The following ATP8A2 variants were observed in gnomAD, a reference collection of about 807,000 sequenced individuals.
ATP8A2 encodes the protein ATPase phospholipid transporting 8A2, also known as phospholipid-transporting ATPase IB.
A neutral mutation model predicts 165.6 loss-of-function variants in ATP8A2; 100 were observed. That is an observed-to-expected ratio of 0.60 (90% CI 0.51 to 0.71). The LOEUF is 0.71. ATP8A2 is among the 30% of genes least tolerant of loss of function. The pLI, the probability that ATP8A2 is intolerant of heterozygous loss-of-function variation, is 0.00. For synonymous variants in ATP8A2, 543 were observed against 548.8 expected, an observed-to-expected ratio of 0.99 and a Z score of 0.15; for missense variants, 1,227 against 1,479.5, an observed-to-expected ratio of 0.83 and a Z score of 2.80.
rs189356691 is a variant in ATP8A2 at position 25,576,126 on chromosome 13, G to C, written c.1713-943G>C. Among the ~76,000 whole-genome samples, 281 of 152,254 alleles carry C rather than the reference G, an allele frequency of 1.8e-3. 1 individual carries two copies. The highest frequency in any genetic ancestry group is 4.1e-3 in the Admixed American group (62 of 15,294). ...GAAACACGGGTTTCAAGAACTGCTA[G>C]GAGTGCCCACCTCTAAGATAGTTGA... is the stretch of plus-strand genomic sequence containing the variant. On this transcript the variant is annotated intron_variant, in intron 19 of 36. Transcript: ENST00000381655.
chr13:25,555,105 C>T (rs748509221), intron 13 of ATP8A2, 37 bp downstream of exon 13: 95 of 1,453,274 alleles, frequency 6.5e-5, no homozygotes, highest in East Asian at 2.7e-4. Flanking sequence ...AATGGTGACA[C>T]GAGCATGAGG....
At chr13:25,951,279 T>C (rs896081834) in intron 33 of ATP8A2, among the ~76,000 whole-genome samples, 6 of 152,248 alleles carry the variant, frequency 3.9e-5, no homozygotes, top group Non-Finnish European at 7.3e-5. Flanking sequence ...TTGTGATCTA[T>C]TCGTGCAATG....
intron 28 of ATP8A2, among the ~76,000 whole-genome samples, chr13:25,831,858 A>G (rs1297288807): frequency 6.6e-6 from 1 of 152,064 alleles, no homozygotes; most frequent in East Asian, 1.9e-4. Flanking sequence ...CAACAATAAC[A>G]ACAAGAAACA....
chr13:25,718,449 T>A (rs1212162240), intron 25 of ATP8A2, among the ~76,000 whole-genome samples: 1 of 152,294 alleles, frequency 6.6e-6, no homozygotes, highest in East Asian at 1.9e-4. Context: ...TACGTGTGTA[T>A]CATTTTGGTT....
intron 1 of ATP8A2, among the ~76,000 whole-genome samples, chr13:25,466,258 G>C (rs2137506508): frequency 6.6e-6 from 1 of 151,858 alleles, no homozygotes; most frequent in South Asian, 2.1e-4. Context: ...GGGTTGATTT[G>C]TTTTTTTTAG....
chr13:25,745,921 A>C (rs1196331255), intron 25 of ATP8A2, among the ~76,000 whole-genome samples: 1 of 152,198 alleles, frequency 6.6e-6, no homozygotes, highest in African/African-American at 2.4e-5. Flanking sequence ...CATCACTCTG[A>C]ATGTGACAGC....
intron 27 of ATP8A2, among the ~76,000 whole-genome samples, chr13:25,824,208 G>A (rs141062125): frequency 3.9e-5 from 6 of 152,258 alleles, no homozygotes; most frequent in African/African-American, 1.4e-4. Flanking sequence ...CTGACCTTAG[G>A]TGATCCACCC....
intron 1 of ATP8A2, among the ~76,000 whole-genome samples, chr13:25,421,030 T>A (rs554913590): frequency 1.3e-5 from 2 of 152,378 alleles, no homozygotes; most frequent in South Asian, 4.1e-4. Context: ...GTTCTAAGAC[T>A]GTGCATGAAA....
At chr13:25,708,077 C>T (rs1337589215) in intron 25 of ATP8A2, among the ~76,000 whole-genome samples, 1 of 152,070 alleles carries the variant, frequency 6.6e-6, no homozygotes, top group Non-Finnish European at 1.5e-5. Flanking sequence ...ATGATTACTT[C>T]ATCAGTGCAT....
intron 19 of ATP8A2, 82 bp downstream of exon 19, chr13:25,574,939 G>T (rs1472591766): frequency 1.3e-6 from 1 of 749,948 alleles, no homozygotes; most frequent in East Asian, 2.7e-5. Context: ...TGATTGTATG[G>T]TATGATTCAA....
chr13:25,522,886 G>A (rs573696421), intron 2 of ATP8A2, among the ~76,000 whole-genome samples: 3 of 152,238 alleles, frequency 2.0e-5, no homozygotes, highest in Admixed American at 1.3e-4. Flanking sequence ...CACTTTGGGA[G>A]GCCAAGTTGG....
At chr13:25,466,687 AG>A (rs2035676905) in intron 1 of ATP8A2, among the ~76,000 whole-genome samples, 2 of 150,004 alleles carry the variant, frequency 1.3e-5, no homozygotes, top group African/African-American at 4.9e-5. Context: ...CTGAGAGGGC[AG>A]GGCCCGGGAA....
Position 25,931,708 on chromosome 13 carries a change from C to T in ATP8A2, c.3184-29867C>T, listed in dbSNP as rs576957604. ...GAAGAATCTTGAAGCCCGTGGCCAA[C>T]GTTGAAAAGAGCCTTCATCAGAGTG... On this transcript the variant is annotated intron_variant, in intron 33 of 36. Coordinates refer to ENST00000381655, the MANE Select transcript of ATP8A2 (RefSeq NM_016529.6). Among the ~76,000 whole-genome samples the T allele has an allele frequency of 7.2e-5, 11 of 152,228 alleles. No individual in the cohort carries two copies. In the East Asian group the frequency reaches 1.7e-3, roughly 24 times the overall value.
intron 33 of ATP8A2, among the ~76,000 whole-genome samples, chr13:25,932,167 G>A (rs1043829770): frequency 5.9e-5 from 9 of 152,112 alleles, no homozygotes; most frequent in African/African-American, 1.4e-4. Flanking sequence ...AATGTAGCAC[G>A]GAAGCACGTC....
chr13:25,551,919 G>A (rs2038834957), intron 11 of ATP8A2, among the ~76,000 whole-genome samples: 1 of 151,890 alleles, frequency 6.6e-6, no homozygotes, highest in South Asian at 2.1e-4. Context: ...CTCCAAAATA[G>A]TGTTATAATA....
At chr13:25,677,871 G>A (rs550402839) in intron 24 of ATP8A2, among the ~76,000 whole-genome samples, 1 of 152,154 alleles carries the variant, frequency 6.6e-6, no homozygotes, top group South Asian at 2.1e-4. Context: ...CAGACTTTAA[G>A]GAATGATGAT....
chr13:25,898,182 G>A (rs1322480701), intron 33 of ATP8A2, among the ~76,000 whole-genome samples: 1 of 152,116 alleles, frequency 6.6e-6, no homozygotes, highest in African/African-American at 2.4e-5. Context: ...CTTTGATGAT[G>A]GTGACCTACA....
At chr13:25,587,167 A>G (rs1031836300) in intron 23 of ATP8A2, among the ~76,000 whole-genome samples, 1 of 152,210 alleles carries the variant, frequency 6.6e-6, no homozygotes, top group South Asian at 2.1e-4. Context: ...ATCCAAAAAC[A>G]TTAGAAATCA....
At chr13:25,767,991 A>G (rs1361910832) in intron 25 of ATP8A2, among the ~76,000 whole-genome samples, 1 of 145,214 alleles carries the variant, frequency 6.9e-6, no homozygotes, top group African/African-American at 2.6e-5. Flanking sequence ...TGATGCGTGA[A>G]GTCCATATGT....
Sources: allele counts gnomAD v4.1 joint callset (sites outside exome capture counted in the v4.1 genomes callset), GRCh38; gene constraint gnomAD v4.1.1; transcripts MANE v1.5; gene names NCBI Gene and HGNC (gene_info 2026-07-23, HGNC 2026-07-21).